Variants in CILK1 observed in about 807,000 individuals in gnomAD.
CILK1 encodes the protein serine/threonine-protein kinase ICK.
CILK1 carries 47 observed loss-of-function variants against 79.2 expected under a neutral mutation model. That is an observed-to-expected ratio of 0.59 (90% confidence interval 0.47 to 0.76). CILK1 has a LOEUF of 0.76. Among genes scored for constraint, CILK1 ranks in the 30% least tolerant of loss-of-function variants. CILK1 has a pLI of 0.00. For missense variants in CILK1, 660 were observed against 769.5 expected (o/e 0.86, Z 1.68); for synonymous variants, 266 against 275.9 (o/e 0.96, Z 0.36).
At chr6:53,052,164 G>C (rs1484525332) in intron 1 of CILK1, 1 of 152,120 alleles carries the variant, frequency 6.6e-6, no homozygotes, top group Non-Finnish European at 1.5e-5. Flanking sequence ...TTGGTTTTCT[G>C]TTCCTGTGTT....
At chr6:53,046,733 G>C (rs578200025) in intron 1 of CILK1, among the ~76,000 whole-genome samples, 10 of 152,286 alleles carry the variant, frequency 6.6e-5, no homozygotes, top group Admixed American at 1.3e-4. Flanking sequence ...CATTATGCAA[G>C]GCTCTTGGGC....
chr6:53,032,606 T>C lies in CILK1; in HGVS notation c.205A>G (p.Ile69Val). 3 of 1,606,524 alleles carry C rather than the reference T, an allele frequency of 1.9e-6. No individual in the cohort carries two copies. Among genetic ancestry groups the C allele is most frequent in the Non-Finnish European group, 8.5e-7 (1 of 1,174,342 alleles). The change falls in exon 4 of 14, where the codon ATC (isoleucine) becomes GTC (valine). Residue 69 changes from isoleucine (I) to valine (V), a missense_variant. By Grantham distance (29) the Ile-to-Val change is conservative. Transcript: ENST00000676107. Reference protein sequence around the residue: ...HANVVKLKEVIRENDHLYFIF... With the variant: ...HANVVKLKEVVRENDHLYFIF... The stretch of plus-strand genomic sequence containing the variant: ...AAATAAAGATGATCATTTTCCCTGA[T>C]AACTTCTTTTAATTTGACTACATTG...
At position 53,057,408 on chromosome 6, in the gene CILK1, A is replaced by C. The variant is rs532517950; in HGVS notation, c.-173+4188T>G. 2.0e-5 allele frequency among the ~76,000 whole-genome samples: 3 copies of C among 152,340 alleles called. No individual in the cohort carries two copies. The East Asian group carries it at 5.8e-4, about 29-fold the overall frequency. On this transcript the variant is annotated intron_variant, in intron 1 of 13. Transcript: ENST00000676107. Reference sequence around the variant, plus strand: ...ATGGTGGGAAAAGCACCAAATGAAAAGCAAGGCACTATTGTGGCCCTTTCA... The same window carrying C: ...ATGGTGGGAAAAGCACCAAATGAAACGCAAGGCACTATTGTGGCCCTTTCA...
chr6:53,017,732 A>G (rs1165343494), intron 7 of CILK1, among the ~76,000 whole-genome samples: 1 of 152,170 alleles, frequency 6.6e-6, no homozygotes, highest in Non-Finnish European at 1.5e-5. Context: ...TTGAAGGAAC[A>G]AGAGCCATGT....
In CILK1 at chr6:53,006,427, G is replaced by C; in HGVS notation, c.1632C>G (p.Ser544Arg). 1 of 1,613,818 alleles carries C rather than the reference G, an allele frequency of 6.2e-7. No individual in the cohort carries two copies. Among genetic ancestry groups the C allele is most frequent in the South Asian group, 1.1e-5 (1 of 91,066 alleles). The change falls in exon 13 of 14, where the codon AGC becomes AGG. Residue 544 changes from serine to arginine, a missense_variant. Ser to Arg is a moderately radical substitution (Grantham distance 110). Transcript: ENST00000676107. Reference sequence around the variant, plus strand: ...CAGTCAGTCCACTAGAACTTGTAGAGCTGGAACCAACTGATTTGCAAAAGC... The same window carrying C: ...CAGTCAGTCCACTAGAACTTGTAGACCTGGAACCAACTGATTTGCAAAAGC... Reference protein sequence around the residue: ...VISKVNSVGSSSTSSSGLTGN... With the variant: ...VISKVNSVGSRSTSSSGLTGN...
At chr6:53,047,470 T>TC (rs1447978333) in intron 1 of CILK1, among the ~76,000 whole-genome samples, 1 of 148,872 alleles carries the variant, frequency 6.7e-6, no homozygotes, top group East Asian at 2.0e-4. Context: ...CAGGCTTTTT[T>TC]TTTTTTTTTT....
intron 2 of CILK1, among the ~76,000 whole-genome samples, chr6:53,040,932 T>A (rs1035731953): frequency 3.3e-5 from 5 of 152,226 alleles, no homozygotes; most frequent in Admixed American, 3.3e-4. Flanking sequence ...ACTTTTACTA[T>A]GTGCAAAGTA....
intron 2 of CILK1, 42 bp from the exon 3 acceptor site, chr6:53,038,035 T>C: frequency 6.0e-6 from 8 of 1,340,256 alleles, no homozygotes; most frequent in Non-Finnish European, 8.6e-6. Flanking sequence ...TTATTCTCAG[T>C]AATAGGTTAA....
intron 4 of CILK1, among the ~76,000 whole-genome samples, chr6:53,031,359 T>C (rs1377609734): frequency 6.6e-6 from 1 of 152,176 alleles, no homozygotes; most frequent in Non-Finnish European, 1.5e-5. Flanking sequence ...ATCTCCTCTT[T>C]CCATGATACA....
chr6:53,032,150 A>G (rs1034021454), intron 4 of CILK1, among the ~76,000 whole-genome samples: 1 of 152,202 alleles, frequency 6.6e-6, no homozygotes, highest in African/African-American at 2.4e-5. Context: ...TAACTCTAAA[A>G]TAAGAAAATG....
At chr6:53,050,222 T>C (rs1330422748) in intron 1 of CILK1, among the ~76,000 whole-genome samples, 1 of 152,094 alleles carries the variant, frequency 6.6e-6, no homozygotes, top group African/African-American at 2.4e-5. Context: ...TCTCTGAGTA[T>C]ATGACATTAG....
At position 53,030,051 on chromosome 6, in the gene CILK1, G is replaced by A. The variant is rs563583075; in HGVS notation, c.358+1014C>T. Among the ~76,000 whole-genome samples the A allele has an allele frequency of 3.3e-5, 5 of 152,328 alleles. No homozygotes were observed. The South Asian group carries it at 1.0e-3, about 32-fold the overall frequency. On this transcript the variant is annotated intron_variant, in intron 5 of 13. Transcript: ENST00000676107. Reference sequence around the variant, plus strand: ...ACAAGCAGCAATACTCCAGGTAGTTGCTGGAAAATAGAACCTCAAACTCTT... The same window carrying A: ...ACAAGCAGCAATACTCCAGGTAGTTACTGGAAAATAGAACCTCAAACTCTT...
At position 53,002,368 on chromosome 6, in the gene CILK1, A is replaced by G. The variant is rs1382764927; in HGVS notation, c.*2781T>C. The stretch of plus-strand genomic sequence containing the variant: ...ATCCCAGTAAGCTTTCTGACTGTAA[A>G]TGAGGTATAGTCCTGATAGGTACAG... On this transcript the variant is annotated 3_prime_UTR_variant, in exon 14 of 14. Transcript: ENST00000676107. The G allele has an allele frequency of 6.6e-6, 1 of 152,202 alleles. No individual in the cohort carries two copies. The highest frequency in any genetic ancestry group is 1.9e-4 in the East Asian group (1 of 5,194). 9.4% of individuals were successfully genotyped at this position (152,202 alleles called of 1,614,324 possible). A position where few individuals can be genotyped will look rare whatever the true frequency, so the allele number is the denominator to read the frequency against.
chr6:53,044,525 T>G (rs184891675), intron 1 of CILK1, among the ~76,000 whole-genome samples: 1 of 152,352 alleles, frequency 6.6e-6, no homozygotes, highest in African/African-American at 2.4e-5. Flanking sequence ...AGGGCCATGA[T>G]GTATGCAATT....
chr6:53,014,376 T>C (rs749986287), intron 8 of CILK1, among the ~76,000 whole-genome samples: 3 of 152,122 alleles, frequency 2.0e-5, no homozygotes, highest in Non-Finnish European at 4.4e-5. Flanking sequence ...GAGCCAAACA[T>C]AATGATCCTG....
intron 5 of CILK1, among the ~76,000 whole-genome samples, chr6:53,021,505 T>C (rs1371375125): frequency 1.3e-5 from 2 of 152,094 alleles, no homozygotes; most frequent in African/African-American, 4.8e-5. Context: ...ACAAAAACCA[T>C]CCATGACTCC....
intron 1 of CILK1, among the ~76,000 whole-genome samples, chr6:53,041,610 ATGT>A (rs1371886787): frequency 6.6e-6 from 1 of 152,182 alleles, no homozygotes; most frequent in East Asian, 1.9e-4. Context: ...TTTTGGAATA[ATGT>A]TGTTTCATTA....
Position 53,041,285 on chromosome 6 carries a change from G to A in CILK1, c.-49C>T. Reference sequence around the variant, plus strand: ...CTCATCTCACGGCCGAAGTGGTTCAGTTCTGCAGTGGTAGCAGTCCTCCCC... The same window carrying A: ...CTCATCTCACGGCCGAAGTGGTTCAATTCTGCAGTGGTAGCAGTCCTCCCC... On this transcript the variant is annotated 5_prime_UTR_variant, in exon 2 of 14. Transcript: ENST00000676107. The A allele has an allele frequency of 7.6e-7, 1 of 1,322,172 alleles. No homozygotes were observed. Among genetic ancestry groups the A allele is most frequent in the South Asian group, 1.2e-5 (1 of 85,188 alleles). The allele number at this position is 1,322,172 out of a possible 1,614,324, so 81.9% of individuals were successfully genotyped here.
rs376198031 is a variant in CILK1, at chr6:53,007,579, G to C, written c.1622-1142C>G. 7.2e-5 allele frequency among the ~76,000 whole-genome samples: 11 copies of C among 152,292 alleles called. No individual in the cohort carries two copies. In the East Asian group the frequency reaches 1.7e-3, roughly 24 times the overall value. ...AGAGCAACTCCCATATCCCGCTGGA[G>C]AGCAAGTAGTTTGGCAATATCTGTG... On this transcript the variant is annotated intron_variant, in intron 12 of 13. Coordinates refer to ENST00000676107, the MANE Select transcript of CILK1 (RefSeq NM_014920.5).
Sources: gnomAD v4.1 joint callset for allele counts (sites outside exome capture counted in the v4.1 genomes callset) on GRCh38, gnomAD v4.1.1 for gene constraint, MANE v1.5 for transcripts, NCBI Gene and HGNC (gene_info 2026-07-23, HGNC 2026-07-21) for gene names.